The following IPPK variants were observed in gnomAD, a reference collection of about 807,000 sequenced individuals.
The protein encoded by IPPK is inositol-pentakisphosphate 2-kinase.
Under a neutral mutation model 64.6 loss-of-function variants are expected in IPPK, and 22 were observed. The ratio of observed to expected loss-of-function variants is 0.34; its 90% CI spans 0.24 to 0.49. The LOEUF (loss-of-function observed/expected upper bound fraction) is 0.49, where lower values mean the gene tolerates loss of function less well. IPPK is among the 20% of genes least tolerant of loss of function. The pLI is 0.99. For synonymous variants in IPPK, 262 were observed against 247.2 expected, an observed-to-expected ratio of 1.06 and a Z score of -0.56; for missense variants, 532 against 630.7, an observed-to-expected ratio of 0.84 and a Z score of 1.68.
intron 7 of IPPK, among the ~76,000 whole-genome samples, chr9:92,642,031 C>T (rs1852056998): frequency 2.6e-5 from 4 of 152,212 alleles, no homozygotes; most frequent in Admixed American, 2.0e-4. Context: ...TGAGTTGGGG[C>T]AGGGCACTGC....
At chr9:92,643,178 G>T (rs1264894667) in intron 6 of IPPK, among the ~76,000 whole-genome samples, 2 of 152,222 alleles carry the variant, frequency 1.3e-5, no homozygotes, top group African/African-American at 4.8e-5. Flanking sequence ...TCCTTAACAA[G>T]AAATTTCATA....
intron 3 of IPPK, among the ~76,000 whole-genome samples, chr9:92,654,830 C>G (rs1587641296): frequency 6.6e-6 from 1 of 152,214 alleles, no homozygotes; most frequent in Non-Finnish European, 1.5e-5. Flanking sequence ...TCACTCATGT[C>G]CCCAGCCTGA....
chr9:92,651,109 G>A (rs2131452116), intron 4 of IPPK, among the ~76,000 whole-genome samples: 1 of 152,076 alleles, frequency 6.6e-6, no homozygotes, highest in East Asian at 1.9e-4. Flanking sequence ...ACTGTCCTGT[G>A]GCGTTCCCGC....
At chr9:92,645,216 C>A (rs1852127392) in intron 6 of IPPK, among the ~76,000 whole-genome samples, 1 of 151,788 alleles carries the variant, frequency 6.6e-6, no homozygotes, top group African/African-American at 2.4e-5. Flanking sequence ...CATGGTAAAA[C>A]CCTGTCCTAC....
chr9:92,619,576 G>A lies in IPPK; in HGVS notation c.1171-11C>T, dbSNP rs769544473. On this transcript the variant is annotated splice_polypyrimidine_tract_variant and intron_variant, in intron 11 of 12. Coordinates refer to ENST00000287996, the MANE Select transcript of IPPK (RefSeq NM_022755.6). Reference sequence around the variant, plus strand: ...GCGGTACTGCTGCACCTGCAGGGGCGGGAAAGATCAGCTCCAGGTCACACA... The same window carrying A: ...GCGGTACTGCTGCACCTGCAGGGGCAGGAAAGATCAGCTCCAGGTCACACA... 9.0e-5 allele frequency: 142 copies of A among 1,569,660 alleles called. No individual in the cohort carries two copies. Among genetic ancestry groups the A allele is most frequent in the Middle Eastern group, 3.3e-4 (2 of 6,026 alleles).
chr9:92,639,682 C>T (rs555091482), intron 8 of IPPK, among the ~76,000 whole-genome samples: 12 of 152,236 alleles, frequency 7.9e-5, no homozygotes, highest in Admixed American at 7.2e-4. Flanking sequence ...TCAAACAAAT[C>T]CCTGATGAAA....
At chr9:92,616,269 G>C (rs967841327) in intron 12 of IPPK, 1 of 508,834 alleles carries the variant, frequency 2.0e-6, no homozygotes, top group African/African-American at 1.9e-5. Context: ...CCTGTGATCT[G>C]TGCGTGTGAC....
intron 11 of IPPK, among the ~76,000 whole-genome samples, chr9:92,629,094 G>GA (rs1260483109): frequency 6.6e-6 from 1 of 151,382 alleles, no homozygotes; most frequent in Non-Finnish European, 1.5e-5. Context: ...CCCTGTCTCT[G>GA]AAAAAAAAGA....
Position 92,635,568 on chromosome 9 carries a change from G to C in IPPK, c.917-260C>G, listed in dbSNP as rs751308582. On this transcript the variant is annotated intron_variant, in intron 9 of 12. Transcript: ENST00000287996. This position sits in a 1 kb window ranked among gnomAD's most constrained non-coding sequence, Gnocchi z 4.4. ...AAAGGAGGGAGCAAGAAATGCACAT[G>C]TCCTGCCTCGTGGCTCTCCTCTCCC... Among the ~76,000 whole-genome samples the C allele has an allele frequency of 4.6e-5, 7 of 152,208 alleles. No homozygotes were observed. Among genetic ancestry groups the C allele is most frequent in the Non-Finnish European group, 7.3e-5 (5 of 68,036 alleles).
intron 2 of IPPK, among the ~76,000 whole-genome samples, chr9:92,657,949 G>A (rs1366336973): frequency 4.6e-5 from 7 of 152,038 alleles, no homozygotes; most frequent in Non-Finnish European, 7.4e-5. Context: ...GCCAGCCTCC[G>A]CCTGCTCCCA....
chr9:92,628,135 CA>C (rs1394547560), intron 11 of IPPK, among the ~76,000 whole-genome samples: 1 of 152,090 alleles, frequency 6.6e-6, no homozygotes, highest in Non-Finnish European at 1.5e-5. Context: ...ATAAGTTTAA[CA>C]AAGAAGCATA....
chr9:92,626,250 A>T (rs1342228074), intron 11 of IPPK, among the ~76,000 whole-genome samples: 2 of 152,140 alleles, frequency 1.3e-5, no homozygotes, highest in Non-Finnish European at 2.9e-5. Flanking sequence ...ACAAAAAATT[A>T]GCTGGGCGTG....
At position 92,656,519 on chromosome 9, in the gene IPPK, G is replaced by A. The variant is rs774317839; in HGVS notation, c.162C>T (p.Asn54=). ...TSEEIFQHLQ[N]IVDFGKNVMK... ...TGACATTTTTCCCAAAGTCCACTAT[G>A]TTCTGCAGGTGTTGAAATATCTCTT... The change falls in exon 3 of 13, where the codon AAC becomes AAT. Residue 54 remains asparagine, a synonymous_variant. Transcript: ENST00000287996. 8.7e-6 allele frequency: 14 copies of A among 1,613,338 alleles called. No individual in the cohort carries two copies. The Admixed American group carries it at 2.2e-4, about 25-fold the overall frequency.
chr9:92,666,569 T>C (rs1852601650), intron 1 of IPPK, among the ~76,000 whole-genome samples: 1 of 151,954 alleles, frequency 6.6e-6, no homozygotes, highest in Admixed American at 6.6e-5. Context: ...CCAGGGAACA[T>C]GCCAGGCTGC....
chr9:92,659,985 C>T (rs1007047908), intron 1 of IPPK, among the ~76,000 whole-genome samples: 10 of 151,986 alleles, frequency 6.6e-5, no homozygotes, highest in African/African-American at 2.4e-4. Context: ...CTGTCCCCTC[C>T]CAAGCTGAAG....
rs541827491 is a variant in IPPK at position 92,636,196 on chromosome 9, G to A, written c.917-888C>T. On this transcript the variant is annotated intron_variant, in intron 9 of 12. Coordinates refer to ENST00000287996, the MANE Select transcript of IPPK (RefSeq NM_022755.6). ...CACAGTAAGAAAGGTGTCCATGCAG[G>A]GGGAAAACTGTAGTCAGCTGCAGAT... is the stretch of plus-strand genomic sequence containing the variant. Among the ~76,000 whole-genome samples the A allele has an allele frequency of 4.6e-5, 7 of 152,264 alleles. No individual in the cohort carries two copies. In the South Asian group the frequency reaches 1.4e-3, roughly 32 times the overall value.
chr9:92,624,262 G>A (rs918794384), intron 11 of IPPK, among the ~76,000 whole-genome samples: 4 of 152,224 alleles, frequency 2.6e-5, no homozygotes, highest in East Asian at 3.9e-4. Context: ...GGTGGATCAC[G>A]AGGTCAGGAG....
chr9:92,630,188 T>C (rs1007109404), intron 11 of IPPK, among the ~76,000 whole-genome samples: 11 of 151,746 alleles, frequency 7.2e-5, no homozygotes, highest in African/African-American at 2.7e-4. Flanking sequence ...CCATGGACTA[T>C]TACTGAGCCA....
At chr9:92,623,672 A>C (rs1488103801) in intron 11 of IPPK, among the ~76,000 whole-genome samples, 1 of 152,228 alleles carries the variant, frequency 6.6e-6, no homozygotes, top group East Asian at 1.9e-4. Flanking sequence ...TCTCATCACA[A>C]GATACCACTA....
Sources: allele counts gnomAD v4.1 joint callset (sites outside exome capture counted in the v4.1 genomes callset), GRCh38; gene constraint gnomAD v4.1.1; non-coding constraint Gnocchi (gnomAD v3.1); transcripts MANE v1.5; gene names NCBI Gene and HGNC (gene_info 2026-07-23, HGNC 2026-07-21).